SV2B: variants seen among roughly 807,000 people sequenced by gnomAD.
SV2B encodes synaptic vesicle glycoprotein 2B, also known as solute carrier family 22 member B2.
Under a neutral mutation model 73.9 loss-of-function variants are expected in SV2B, and 41 were observed. The observed-to-expected ratio is 0.56, with a 90% CI of 0.43 to 0.72. The LOEUF (loss-of-function observed/expected upper bound fraction) is 0.72, where lower values mean the gene tolerates loss of function less well. SV2B is among the 30% of genes least tolerant of loss of function. The pLI is 0.00. For synonymous variants in SV2B, 314 were observed against 314.2 expected (o/e 1.00, Z 0.01); for missense variants, 764 against 857.8 (o/e 0.89, Z 1.37).
Position 91,250,724 on chromosome 15 carries a change from A to G in SV2B, c.452-1095A>G, listed in dbSNP as rs538517186. 6.6e-5 allele frequency among the ~76,000 whole-genome samples: 10 copies of G among 152,342 alleles called. No individual in the cohort carries two copies. The South Asian group carries it at 2.1e-3, about 32-fold the overall frequency. On this transcript the variant is annotated intron_variant, in intron 2 of 12. Coordinates refer to ENST00000394232, the MANE Select transcript of SV2B (RefSeq NM_001323032.3). ...ACAATCTCATTTACAATAACATTAA[A>G]ACATACTTAGGAATGAATTTAATCA...
Position 91,267,531 on chromosome 15 carries a change from A to G in SV2B, c.1120-24A>G, listed in dbSNP as rs1243274779. The G allele has an allele frequency of 3.8e-6, 6 of 1,598,894 alleles. No homozygotes were observed. Among genetic ancestry groups the G allele is most frequent in the African/African-American group, 1.3e-5 (1 of 74,634 alleles). On this transcript the variant is annotated intron_variant, in intron 7 of 12. Transcript: ENST00000394232. The surrounding 1 kb of genome is among the most constrained non-coding windows in gnomAD (Gnocchi z 4.3). ...AAGTCACACATTGCTTTCTTTAACA[A>G]TCCTTCTCTGGTATGGGTTGTAGGT...
At chr15:91,219,402 A>G (rs1477764140) in intron 1 of SV2B, among the ~76,000 whole-genome samples, 2 of 152,176 alleles carry the variant, frequency 1.3e-5, no homozygotes, top group Non-Finnish European at 2.9e-5. Context: ...TCCCTCATGC[A>G]AATAGACTCC....
intron 2 of SV2B, among the ~76,000 whole-genome samples, chr15:91,243,919 C>T (rs2047122791): frequency 6.6e-6 from 1 of 152,122 alleles, no homozygotes; most frequent in Non-Finnish European, 1.5e-5. Flanking sequence ...TGCTGTGGCT[C>T]GCCCTGAGCT....
chr15:91,189,501 C>T (rs991936542), intron 1 of SV2B, among the ~76,000 whole-genome samples: 8 of 152,134 alleles, frequency 5.3e-5, no homozygotes, highest in Non-Finnish European at 1.0e-4. Context: ...TAGTTCGATA[C>T]TTCTGACATT....
At chr15:91,205,512 T>G (rs762158842) in intron 1 of SV2B, among the ~76,000 whole-genome samples, 2 of 151,982 alleles carry the variant, frequency 1.3e-5, no homozygotes, top group Non-Finnish European at 2.9e-5. Flanking sequence ...ATTACAGGTG[T>G]GCACCACCAT....
At chr15:91,178,071 A>G (rs2044391623) in intron 1 of SV2B, among the ~76,000 whole-genome samples, 2 of 151,866 alleles carry the variant, frequency 1.3e-5, no homozygotes, top group African/African-American at 4.8e-5. Flanking sequence ...CATCCCATCA[A>G]TACCTAATTT....
intron 1 of SV2B, among the ~76,000 whole-genome samples, chr15:91,134,171 G>T (rs538967051): frequency 9.9e-5 from 15 of 151,782 alleles, no homozygotes; most frequent in African/African-American, 3.6e-4. Flanking sequence ...GCTAATTTTT[G>T]TATTTTTAGT....
chr15:91,208,415 T>C (rs1282446714), intron 1 of SV2B, among the ~76,000 whole-genome samples: 2 of 152,236 alleles, frequency 1.3e-5, no homozygotes, highest in Non-Finnish European at 2.9e-5. Flanking sequence ...TGTTAGTTGA[T>C]TTCAGAGGTG....
intron 1 of SV2B, among the ~76,000 whole-genome samples, chr15:91,176,610 G>A (rs2044318991): frequency 6.6e-6 from 1 of 152,030 alleles, no homozygotes; most frequent in South Asian, 2.1e-4. Context: ...GTATCTCATT[G>A]TGGTTTTGAT....
rs183391448 is a variant in SV2B at position 91,139,896 on chromosome 15, C to T, written c.-392+39533C>T. 4.6e-5 allele frequency among the ~76,000 whole-genome samples: 7 copies of T among 152,282 alleles called. No individual in the cohort carries two copies. In the East Asian group the frequency reaches 5.8e-4, roughly 13 times the overall value. On this transcript the variant is annotated intron_variant, in intron 1 of 12. Transcript: ENST00000394232. The surrounding 1 kb of genome is among the most constrained non-coding windows in gnomAD (Gnocchi z 5.2). ...GGTAGCCAAGGAAGGGAGGAAGATC[C>T]GGCCACTTTGTTCCTAGAGTTTGGT... is the stretch of plus-strand genomic sequence containing the variant.
Position 91,295,561 on chromosome 15 carries a change from G to A in SV2B, c.*3009G>A, listed in dbSNP as rs1279924139. The stretch of plus-strand genomic sequence containing the variant: ...TGGGGACCTTGAGAGGTTAAACGAT[G>A]TGGCCCAGATTACATGTAATGTGAG... On this transcript the variant is annotated 3_prime_UTR_variant, in exon 13 of 13. Transcript: ENST00000394232. The A allele has an allele frequency of 1.3e-5, 2 of 152,108 alleles. No individual in the cohort carries two copies. The highest frequency in any genetic ancestry group is 6.5e-5 in the Admixed American group (1 of 15,272). The allele number at this position is 152,108 out of a possible 1,614,324, so 9.4% of individuals were successfully genotyped here.
Position 91,281,974 on chromosome 15 carries a change from C to A in SV2B, c.1507+113C>A, listed in dbSNP as rs955930130. 1 of 1,249,948 alleles carries A rather than the reference C, an allele frequency of 8.0e-7. No individual in the cohort carries two copies. Among genetic ancestry groups the A allele is most frequent in the Non-Finnish European group, 1.1e-6 (1 of 937,220 alleles). 77.4% of individuals were successfully genotyped at this position (1,249,948 alleles called of 1,614,324 possible). ...AGGAGTAGGAAAGTATTCGTAGATA[C>A]AAATGCCAAGCCTTGGTGGGGAAAT... On this transcript the variant is annotated intron_variant, in intron 10 of 12. Coordinates refer to ENST00000394232, the MANE Select transcript of SV2B (RefSeq NM_001323032.3). This position sits in a 1 kb window ranked among gnomAD's most constrained non-coding sequence, Gnocchi z 4.7.
At chr15:91,175,830 G>A (rs184678511) in intron 1 of SV2B, among the ~76,000 whole-genome samples, 143 of 151,162 alleles carry the variant, frequency 9.5e-4, no homozygotes, top group East Asian at 8.7e-3. Flanking sequence ...ACCAGATGCC[G>A]TGAATTTTCT....
rs1044592962 is a variant in SV2B, at chr15:91,281,306, A to T, written c.1374-422A>T. Among the ~76,000 whole-genome samples the T allele has an allele frequency of 1.3e-5, 2 of 152,226 alleles. No individual in the cohort carries two copies. Among genetic ancestry groups the T allele is most frequent in the Admixed American group, 6.5e-5 (1 of 15,284 alleles). ...ACATCTTTGTTGGGACAATTTTTTTAAAAATGAAGATTCTCAGACCTTCAC... is the reference window on the plus strand; with the variant it reads ...ACATCTTTGTTGGGACAATTTTTTTTAAAATGAAGATTCTCAGACCTTCAC... On this transcript the variant is annotated intron_variant, in intron 9 of 12. Transcript: ENST00000394232. The surrounding 1 kb of genome is among the most constrained non-coding windows in gnomAD (Gnocchi z 4.7).
intron 1 of SV2B, among the ~76,000 whole-genome samples, chr15:91,180,101 C>A (rs899164752): frequency 6.6e-6 from 1 of 152,056 alleles, no homozygotes; most frequent in African/African-American, 2.4e-5. Context: ...GTGACAAAAT[C>A]TCTCAGCATT....
intron 6 of SV2B, among the ~76,000 whole-genome samples, chr15:91,264,524 G>A (rs2048034922): frequency 6.6e-6 from 1 of 152,148 alleles, no homozygotes. Flanking sequence ...TACAGCCAGT[G>A]TCCACTCAGC....
At chr15:91,153,338 A>G (rs1361796586) in intron 1 of SV2B, among the ~76,000 whole-genome samples, 2 of 152,134 alleles carry the variant, frequency 1.3e-5, no homozygotes, top group Non-Finnish European at 2.9e-5. Flanking sequence ...TGCCAGCGTC[A>G]CTGTGTGTCC....
intron 1 of SV2B, among the ~76,000 whole-genome samples, chr15:91,211,372 C>T (rs928637433): frequency 6.6e-6 from 1 of 152,178 alleles, no homozygotes; most frequent in Non-Finnish European, 1.5e-5. Flanking sequence ...TGATGATAGC[C>T]ATGGCAGTCT....
chr15:91,266,917 C>A, intron 7 of SV2B: 1 of 401,132 alleles, frequency 2.5e-6, no homozygotes, highest in Non-Finnish European at 4.4e-6. Context: ...TTTCTTTGTT[C>A]TTCCTTCCCA....
Sources: gnomAD v4.1 joint callset for allele counts (sites outside exome capture counted in the v4.1 genomes callset) on GRCh38, gnomAD v4.1.1 for gene constraint, Gnocchi (gnomAD v3.1) non-coding constraint, MANE v1.5 for transcripts, NCBI Gene and HGNC (gene_info 2026-07-23, HGNC 2026-07-21) for gene names.